The following CNTN3 variants were observed in gnomAD, a reference collection of about 807,000 sequenced individuals.
CNTN3 encodes contactin-3.
In CNTN3, 60 loss-of-function variants were observed where a neutral mutation model predicts 119.1. That is an observed-to-expected ratio of 0.50 (90% CI 0.41 to 0.62). The LOEUF is 0.62. CNTN3 is among the 20% of genes least tolerant of loss of function. The pLI is 0.00. For synonymous variants in CNTN3, 450 were observed against 438.7 expected (o/e 1.03, Z -0.32); for missense variants, 1,101 against 1,242.4 (o/e 0.89, Z 1.71).
At chr3:74,298,756 G>C (rs984047604) in intron 17 of CNTN3, among the ~76,000 whole-genome samples, 1 of 151,862 alleles carries the variant, frequency 6.6e-6, no homozygotes, top group Non-Finnish European at 1.5e-5. Context: ...AATTAGCCGG[G>C]CGTGGTGGCA....
intron 4 of CNTN3, among the ~76,000 whole-genome samples, chr3:74,475,240 C>T (rs1020066668): frequency 1.3e-5 from 2 of 152,072 alleles, no homozygotes; most frequent in African/African-American, 4.8e-5. Context: ...TTCAAGAAAA[C>T]GTAGAATTCT....
chr3:74,527,806 C>A lies in CNTN3; in HGVS notation c.-80-6614G>T, dbSNP rs189165355. On this transcript the variant is annotated intron_variant, in intron 1 of 22. Transcript: ENST00000263665. ...TGGATGACTATTTGTACTTGACATG[C>A]AATAATGTCGCTTGTAGCATGTTTC... Among the ~76,000 whole-genome samples the A allele has an allele frequency of 4.1e-3, 622 of 151,996 alleles. 2 individuals are homozygous for A. The highest frequency in any genetic ancestry group is 0.014 in the African/African-American group (561 of 41,526).
chr3:74,460,256 T>C (rs564968992), intron 4 of CNTN3, among the ~76,000 whole-genome samples: 2 of 152,140 alleles, frequency 1.3e-5, no homozygotes, highest in South Asian at 4.1e-4. Flanking sequence ...CCTTTCTATA[T>C]AAATTTTAGA....
chr3:74,335,715 C>A (rs1703376596), intron 12 of CNTN3, among the ~76,000 whole-genome samples: 1 of 152,098 alleles, frequency 6.6e-6, no homozygotes, highest in Non-Finnish European at 1.5e-5. Context: ...TAACATCATG[C>A]ACTTCTCTGC....
At chr3:74,544,497 A>T (rs1703885908) in intron 1 of CNTN3, among the ~76,000 whole-genome samples, 1 of 152,156 alleles carries the variant, frequency 6.6e-6, no homozygotes, top group Non-Finnish European at 1.5e-5. Flanking sequence ...ATTCAATGAC[A>T]GAACCCTCCT....
chr3:74,419,485 G>A (rs1021676874), intron 5 of CNTN3, among the ~76,000 whole-genome samples: 1 of 152,170 alleles, frequency 6.6e-6, no homozygotes, highest in Admixed American at 6.5e-5. Context: ...TGTCACACCA[G>A]GGTTTACAAG....
At chr3:74,600,554 G>A (rs965045846) in intron 1 of CNTN3, among the ~76,000 whole-genome samples, 3 of 152,002 alleles carry the variant, frequency 2.0e-5, no homozygotes, top group African/African-American at 7.2e-5. Context: ...TGCTTTATAA[G>A]ATTTTTTGAA....
At chr3:74,481,754 G>T (rs892682470) in intron 4 of CNTN3, among the ~76,000 whole-genome samples, 2 of 151,580 alleles carry the variant, frequency 1.3e-5, no homozygotes, top group Non-Finnish European at 3.0e-5. Context: ...AGAGAAAAAT[G>T]AATGAAACAG....
chr3:74,358,000 G>C (rs1014608057), intron 11 of CNTN3, among the ~76,000 whole-genome samples: 2 of 152,142 alleles, frequency 1.3e-5, no homozygotes, highest in African/African-American at 4.8e-5. Flanking sequence ...TAAGAGGGAT[G>C]GATATGGGGC....
intron 1 of CNTN3, among the ~76,000 whole-genome samples, chr3:74,575,937 C>G (rs1019657039): frequency 1.3e-5 from 2 of 152,000 alleles, no homozygotes; most frequent in Admixed American, 6.6e-5. Context: ...GGATGGCCGA[C>G]CTGGAACCCA....
At chr3:74,405,489 T>G (rs970166976) in intron 5 of CNTN3, among the ~76,000 whole-genome samples, 2 of 152,054 alleles carry the variant, frequency 1.3e-5, no homozygotes, top group African/African-American at 4.8e-5. Context: ...ATTAAACAAC[T>G]GAATTTGCAA....
chr3:74,355,148 A>AT (rs144933046), intron 11 of CNTN3, among the ~76,000 whole-genome samples: 1,679 of 152,050 alleles, frequency 0.011, 21 homozygotes, highest in East Asian at 0.061. Flanking sequence ...ATTTGCCCTC[A>AT]TTTCTGCCAT....
At chr3:74,341,922 A>G (rs1048534612) in intron 11 of CNTN3, among the ~76,000 whole-genome samples, 1 of 152,164 alleles carries the variant, frequency 6.6e-6, no homozygotes, top group African/African-American at 2.4e-5. Flanking sequence ...GAATTTTAAC[A>G]AACACACTGC....
chr3:74,608,905 G>A (rs1025813141), intron 1 of CNTN3, among the ~76,000 whole-genome samples: 5 of 152,168 alleles, frequency 3.3e-5, no homozygotes, highest in African/African-American at 1.2e-4. Context: ...ATTGTAGATA[G>A]CATAGAGGTC....
chr3:74,424,983 T>C (rs868005234), intron 4 of CNTN3, 43 bp from the exon 5 acceptor site: 3 of 1,353,314 alleles, frequency 2.2e-6, no homozygotes, highest in Non-Finnish European at 1.0e-6. Context: ...GAAAGACCAA[T>C]TAAATCACAA....
intron 11 of CNTN3, among the ~76,000 whole-genome samples, chr3:74,344,868 T>TACACAC (rs59061088): frequency 7.1e-4 from 105 of 148,846 alleles, no homozygotes; most frequent in African/African-American, 1.6e-3. Context: ...TGTATACGTA[T>TACACAC]ACACACACAC....
At chr3:74,331,415 C>T (rs479652) in intron 13 of CNTN3, among the ~76,000 whole-genome samples, 110,153 of 152,108 alleles carry the variant, frequency 0.72, 41,033 homozygotes, top group African/African-American at 0.91. Context: ...GTGCACCCTA[C>T]GATGTCCACA....
At chr3:74,321,435 CATT>C (rs1702986393) in intron 13 of CNTN3, among the ~76,000 whole-genome samples, 1 of 151,900 alleles carries the variant, frequency 6.6e-6, no homozygotes, top group African/African-American at 2.4e-5. Context: ...AAATTTATGT[CATT>C]GAGTGCATAT....
chr3:74,421,261 C>A (rs531793850), intron 5 of CNTN3, among the ~76,000 whole-genome samples: 1 of 151,858 alleles, frequency 6.6e-6, no homozygotes. Flanking sequence ...CTCCACCTCC[C>A]GAGCTCAAGC....
Sources: allele counts gnomAD v4.1 joint callset (sites outside exome capture counted in the v4.1 genomes callset), GRCh38; gene constraint gnomAD v4.1.1; transcripts MANE v1.5; gene names NCBI Gene and HGNC (gene_info 2026-07-23, HGNC 2026-07-21).